The following TIRAP variants were observed in gnomAD, a reference collection of about 807,000 sequenced individuals.
TIRAP encodes TIR domain containing adaptor protein.
In TIRAP, 20 loss-of-function variants were observed where a neutral mutation model predicts 19.8. That is an observed-to-expected ratio of 1.01 (90% confidence interval 0.71 to 1.47). The LOEUF (loss-of-function observed/expected upper bound fraction) is 1.47. Among genes scored for constraint, TIRAP ranks in the 40% most tolerant of loss-of-function variants. The pLI, the probability that TIRAP is intolerant of heterozygous loss-of-function variation, is 0.00. For synonymous variants in TIRAP, 125 were observed against 121.7 expected (o/e 1.03, Z -0.18); for missense variants, 276 against 285.1 (o/e 0.97, Z 0.23).
rs1162397374 is a variant in TIRAP, at chr11:126,287,763, T to C, written c.-216-2699T>C. ...AATTCTTTACTAATTTTCTTTTCTT[T>C]ATTTTTTTGAGATCGAGTCTCGCTC... On this transcript the variant is annotated intron_variant, in intron 1 of 4. Coordinates refer to ENST00000392679, the MANE Select transcript of TIRAP (RefSeq NM_001318777.2). The surrounding 1 kb of genome is among the most constrained non-coding windows in gnomAD (Gnocchi z 4.2). Among the ~76,000 whole-genome samples, 4 of 152,120 alleles carry C rather than the reference T, an allele frequency of 2.6e-5. No homozygotes were observed. Among genetic ancestry groups the C allele is most frequent in the Non-Finnish European group, 5.9e-5 (4 of 68,030 alleles).
Position 126,294,109 on chromosome 11 carries a change from T to A in TIRAP, c.*422T>A. 3.8e-6 allele frequency: 1 copy of A among 261,992 alleles called. No homozygotes were observed. Among genetic ancestry groups the A allele is most frequent in the Non-Finnish European group, 7.6e-6 (1 of 132,062 alleles). 16.2% of individuals were successfully genotyped at this position (261,992 alleles called of 1,614,324 possible). On this transcript the variant is annotated 3_prime_UTR_variant, in exon 5 of 5. Coordinates refer to ENST00000392679, the MANE Select transcript of TIRAP (RefSeq NM_001318777.2). Reference sequence around the variant, plus strand: ...GGGCACTGGCGTACACTGGTATCCCTCCTAAAGAAGTGACTCACCTGACTG... The same window carrying A: ...GGGCACTGGCGTACACTGGTATCCCACCTAAAGAAGTGACTCACCTGACTG...
rs1951447682 is a variant in TIRAP at position 126,294,439 on chromosome 11, G to A, written c.*752G>A. The A allele has an allele frequency of 4.5e-6, 2 of 445,778 alleles. No individual in the cohort carries two copies. Among genetic ancestry groups the A allele is most frequent in the South Asian group, 3.2e-5 (2 of 63,312 alleles). The allele number at this position is 445,778 out of a possible 1,614,324, so 27.6% of individuals were successfully genotyped here. ...GAGCAAGTGAAGAGATGGGAATCCAGGGCTCAGGGTTCAATGCCTTCACCT... is the reference window on the plus strand; with the variant it reads ...GAGCAAGTGAAGAGATGGGAATCCAAGGCTCAGGGTTCAATGCCTTCACCT... On this transcript the variant is annotated 3_prime_UTR_variant, in exon 5 of 5. Coordinates refer to ENST00000392679, the MANE Select transcript of TIRAP (RefSeq NM_001318777.2).
intron 4 of TIRAP, chr11:126,293,351 C>T: frequency 1.4e-6 from 1 of 709,542 alleles, no homozygotes; most frequent in Non-Finnish European, 2.6e-6. Context: ...GTATTCATAA[C>T]AGGCAGCGCC....
chr11:126,293,546 G>C lies in TIRAP; in HGVS notation c.647-122G>C. 3 of 1,140,526 alleles carry C rather than the reference G, an allele frequency of 2.6e-6. No individual in the cohort carries two copies. The South Asian group carries it at 3.7e-5, about 14-fold the overall frequency. 70.7% of individuals were successfully genotyped at this position (1,140,526 alleles called of 1,614,324 possible). On this transcript the variant is annotated intron_variant, in intron 4 of 4. Coordinates refer to ENST00000392679, the MANE Select transcript of TIRAP (RefSeq NM_001318777.2). ...GTGCATATAAGTGTATCTGGGGAGGGCCATGCTATTGCAGTAGGTTTGGAA... is the reference window on the plus strand; with the variant it reads ...GTGCATATAAGTGTATCTGGGGAGGCCCATGCTATTGCAGTAGGTTTGGAA...
intron 4 of TIRAP, 49 bp downstream of exon 4, chr11:126,293,104 C>T (rs748951042): frequency 1.1e-5 from 18 of 1,612,294 alleles, no homozygotes; most frequent in Non-Finnish European, 1.5e-5. Flanking sequence ...GCTACAGTAT[C>T]TGATCTACTT....
At position 126,283,109 on chromosome 11, in the gene TIRAP, C is replaced by A. The variant is rs1231377280; in HGVS notation, c.-261C>A. The stretch of plus-strand genomic sequence containing the variant: ...TGCGCGCTGCTCTTCCCCGCGGAGC[C>A]CGCGCAGTCCGCGCAGCCCTCATCG... On this transcript the variant is annotated 5_prime_UTR_variant, in exon 1 of 5. Coordinates refer to ENST00000392679, the MANE Select transcript of TIRAP (RefSeq NM_001318777.2). 1 of 984,900 alleles carries A rather than the reference C, an allele frequency of 1.0e-6. No homozygotes were observed. The highest frequency in any genetic ancestry group is 4.7e-5 in the South Asian group (1 of 21,298). 61.0% of individuals were successfully genotyped at this position (984,900 alleles called of 1,614,324 possible).
At position 126,291,026 on chromosome 11, in the gene TIRAP, G is replaced by A. The variant is rs1317257123; in HGVS notation, c.67+65G>A. ...GTGTAGTGCTCAGCCTCCATAGGGC[G>A]CGGTGGGAGGCCTGCCTGGTCCAAA... On this transcript the variant is annotated intron_variant, in intron 3 of 4. Transcript: ENST00000392679. The surrounding 1 kb of genome is among the most constrained non-coding windows in gnomAD (Gnocchi z 5.6). The A allele has an allele frequency of 1.4e-5, 21 of 1,520,674 alleles. No individual in the cohort carries two copies. The highest frequency in any genetic ancestry group is 4.2e-5 in the African/African-American group (3 of 72,006). The allele number at this position is 1,520,674 out of a possible 1,614,324, so 94.2% of individuals were successfully genotyped here.
rs1951439506 is a variant in TIRAP at position 126,293,825 on chromosome 11, G to A, written c.*138G>A. 1 of 954,110 alleles carries A rather than the reference G, an allele frequency of 1.0e-6. No homozygotes were observed. Among genetic ancestry groups the A allele is most frequent in the Non-Finnish European group, 1.7e-6 (1 of 598,634 alleles). The allele number at this position is 954,110 out of a possible 1,614,324, so 59.1% of individuals were successfully genotyped here. ...CGCTTTGCTCGTGACCCTGGGATCA[G>A]AGCACCCATCAGGCTTCCATTACTG... On this transcript the variant is annotated 3_prime_UTR_variant, in exon 5 of 5. Transcript: ENST00000392679.
At position 126,294,195 on chromosome 11, in the gene TIRAP, A is replaced by G; in HGVS notation, c.*508A>G. The G allele has an allele frequency of 4.0e-6, 1 of 250,076 alleles. No individual in the cohort carries two copies. Among genetic ancestry groups the G allele is most frequent in the Non-Finnish European group, 8.0e-6 (1 of 125,340 alleles). 15.5% of individuals were successfully genotyped at this position (250,076 alleles called of 1,614,324 possible). ...GATGGTCTTCCTAGTTGCCTGGGGA[A>G]ACCCTGGAATGGGCATCAGGAGAAA... On this transcript the variant is annotated 3_prime_UTR_variant, in exon 5 of 5. Coordinates refer to ENST00000392679, the MANE Select transcript of TIRAP (RefSeq NM_001318777.2).
intron 4 of TIRAP, chr11:126,293,347 A>G (rs947696963): frequency 1.7e-5 from 12 of 711,538 alleles, no homozygotes; most frequent in Non-Finnish European, 2.8e-5. Context: ...ACATGTATTC[A>G]TAACAGGCAG....
In TIRAP at chr11:126,291,143, G is replaced by A. The variant is rs541850843; in HGVS notation, c.67+182G>A. ...TGGAGAGTGAGGAGGGGAGGCCTGC[G>A]TCAGCTCAGCCAGATCTTTATCCTT... On this transcript the variant is annotated intron_variant, in intron 3 of 4. Coordinates refer to ENST00000392679, the MANE Select transcript of TIRAP (RefSeq NM_001318777.2). This position sits in a 1 kb window ranked among gnomAD's most constrained non-coding sequence, Gnocchi z 5.6. 6.1e-5 allele frequency: 44 copies of A among 722,068 alleles called. No homozygotes were observed. The highest frequency in any genetic ancestry group is 8.2e-5 in the East Asian group (3 of 36,376). 44.7% of individuals were successfully genotyped at this position (722,068 alleles called of 1,614,324 possible).
In TIRAP at chr11:126,287,315, T is replaced by C. The variant is rs1280197017; in HGVS notation, c.-216-3147T>C. ...TTGATATTGGATACTAAATACACTT[T>C]GGATTTTTTTTTTTTTATTTTTGAG... On this transcript the variant is annotated intron_variant, in intron 1 of 4. Transcript: ENST00000392679. The surrounding 1 kb of genome is among the most constrained non-coding windows in gnomAD (Gnocchi z 4.2). Among the ~76,000 whole-genome samples the C allele has an allele frequency of 6.0e-5, 9 of 148,856 alleles. No homozygotes were observed. The highest frequency in any genetic ancestry group is 1.2e-4 in the Non-Finnish European group (8 of 66,778).
intron 1 of TIRAP, among the ~76,000 whole-genome samples, chr11:126,286,054 GAAAAAAAA>G (rs1182840430): frequency 2.1e-5 from 1 of 48,328 alleles, no homozygotes; most frequent in African/African-American, 8.5e-5. Flanking sequence ...ACCCTCTCTG[GAAAAAAAA>G]AAAAAAAAAA....
In TIRAP at chr11:126,291,100, C is replaced by T; in HGVS notation, c.67+139C>T. On this transcript the variant is annotated intron_variant, in intron 3 of 4. Coordinates refer to ENST00000392679, the MANE Select transcript of TIRAP (RefSeq NM_001318777.2). This position sits in a 1 kb window ranked among gnomAD's most constrained non-coding sequence, Gnocchi z 5.6. Reference sequence around the variant, plus strand: ...ACGTGGGGAACTCCTGACCTGAATTCAGGGCCTGGATGCTTTGTGGAGAGT... The same window carrying T: ...ACGTGGGGAACTCCTGACCTGAATTTAGGGCCTGGATGCTTTGTGGAGAGT... 1 of 1,067,384 alleles carries T rather than the reference C, an allele frequency of 9.4e-7. No individual in the cohort carries two copies. The highest frequency in any genetic ancestry group is 1.3e-6 in the Non-Finnish European group (1 of 751,688). 66.1% of individuals were successfully genotyped at this position (1,067,384 alleles called of 1,614,324 possible). A position where few individuals can be genotyped will look rare whatever the true frequency, so the allele number is the denominator to read the frequency against.
At chr11:126,289,015 T>C (rs925152109) in intron 1 of TIRAP, among the ~76,000 whole-genome samples, 3 of 152,132 alleles carry the variant, frequency 2.0e-5, no homozygotes, top group Admixed American at 6.6e-5. Flanking sequence ...ATCCCAAGCA[T>C]ATTAGGAAAG....
At chr11:126,284,036 T>C (rs1025342964) in intron 1 of TIRAP, among the ~76,000 whole-genome samples, 4 of 147,938 alleles carry the variant, frequency 2.7e-5, no homozygotes, top group Non-Finnish European at 4.5e-5. Context: ...TGTACTTCTT[T>C]TTTTTTTTTT....
In TIRAP at chr11:126,290,780, TTC is replaced by T. The variant is rs768289511; in HGVS notation, c.-92-13_-92-12del. On this transcript the variant is annotated intron_variant, in intron 2 of 4. Transcript: ENST00000392679. The surrounding 1 kb of genome is among the most constrained non-coding windows in gnomAD (Gnocchi z 4.9). ...AGCAGGGTAAGTGCAGCCTTTGTGA[TTC>T]TCTCTCTCTACCCTCTGTAGGATGG... 87 of 1,481,672 alleles carry T rather than the reference TTC, an allele frequency of 5.9e-5. No individual in the cohort carries two copies. Among genetic ancestry groups the T allele is most frequent in the South Asian group, 2.0e-4 (15 of 73,368 alleles). The allele number at this position is 1,481,672 out of a possible 1,614,324, so 91.8% of individuals were successfully genotyped here. A position where few individuals can be genotyped will look rare whatever the true frequency, so the allele number is the denominator to read the frequency against.
rs1336515437 is a variant in TIRAP, at chr11:126,290,646, G to A, written c.-93+61G>A. On this transcript the variant is annotated intron_variant, in intron 2 of 4. Transcript: ENST00000392679. This position sits in a 1 kb window ranked among gnomAD's most constrained non-coding sequence, Gnocchi z 4.9. ...CTAGAATCCAGCTCCAATCACAGTC[G>A]TGTCTGGCCCTAATCTCATGAGGAA... is the stretch of plus-strand genomic sequence containing the variant. 1.0e-5 allele frequency: 13 copies of A among 1,289,540 alleles called. No individual in the cohort carries two copies. In the Admixed American group the frequency reaches 1.7e-4, roughly 16 times the overall value. The allele number at this position is 1,289,540 out of a possible 1,614,324, so 79.9% of individuals were successfully genotyped here.
rs1293004098 is a variant in TIRAP at position 126,290,893 on chromosome 11, C to T, written c.-2C>T. ...CACGGGGCTAGTTTTGACCCCCACG[C>T]TATGGCATCATCGACCTCCCTCCCA... On this transcript the variant is annotated 5_prime_UTR_variant, in exon 3 of 5. Coordinates refer to ENST00000392679, the MANE Select transcript of TIRAP (RefSeq NM_001318777.2). The surrounding 1 kb of genome is among the most constrained non-coding windows in gnomAD (Gnocchi z 4.9). 1.9e-6 allele frequency: 3 copies of T among 1,604,178 alleles called. No homozygotes were observed. Among genetic ancestry groups the T allele is most frequent in the Non-Finnish European group, 2.6e-6 (3 of 1,174,524 alleles).
Sources: allele counts gnomAD v4.1 joint callset (sites outside exome capture counted in the v4.1 genomes callset), GRCh38; gene constraint gnomAD v4.1.1; non-coding constraint Gnocchi (gnomAD v3.1); transcripts MANE v1.5; gene names NCBI Gene and HGNC (gene_info 2026-07-23, HGNC 2026-07-21).